FBLN1: variants seen among roughly 807,000 people sequenced by gnomAD.
The protein encoded by FBLN1 is fibulin-1.
Under a neutral mutation model 89.7 loss-of-function variants are expected in FBLN1, and 34 were observed. That is an observed-to-expected ratio of 0.38 (90% CI 0.29 to 0.50). FBLN1 has a LOEUF of 0.50. Ranked by LOEUF, FBLN1 falls within the 20% of genes least tolerant of loss-of-function variation. The pLI is 0.92. For missense variants in FBLN1, 777 were observed against 988.1 expected, an observed-to-expected ratio of 0.79 and a Z score of 2.86; for synonymous variants, 393 against 391.3, an observed-to-expected ratio of 1.00 and a Z score of -0.05.
chr22:45,564,223 C>T (rs2088881345), intron 14 of FBLN1, among the ~76,000 whole-genome samples: 1 of 152,184 alleles, frequency 6.6e-6, no homozygotes, highest in Non-Finnish European at 1.5e-5. Flanking sequence ...CCACCATGGT[C>T]CAGCCAAGCC....
At chr22:45,552,874 G>C (rs985548412) in intron 14 of FBLN1, among the ~76,000 whole-genome samples, 8 of 22,266 alleles carry the variant, frequency 3.6e-4, no homozygotes, top group Admixed American at 1.9e-3. Context: ...GTGCAAAGCT[G>C]TCCCACAGCC....
At chr22:45,523,281 A>G (rs775085374) in intron 2 of FBLN1, 92 of 633,474 alleles carry the variant, frequency 1.5e-4, no homozygotes, top group Non-Finnish European at 2.2e-4. Flanking sequence ...CACCAGATAC[A>G]AGGGTAACCA....
At chr22:45,595,081 A>C (rs2089173323) in intron 16 of FBLN1, among the ~76,000 whole-genome samples, 1 of 152,178 alleles carries the variant, frequency 6.6e-6, no homozygotes, top group African/African-American at 2.4e-5. Context: ...AGGTGAGGGC[A>C]AGGAGGTGGA....
intron 1 of FBLN1, among the ~76,000 whole-genome samples, chr22:45,516,714 C>T (rs532056088): frequency 7.2e-5 from 11 of 152,354 alleles, no homozygotes; most frequent in African/African-American, 2.6e-4. Flanking sequence ...CACGAAACTT[C>T]ACCCTTACCC....
At position 45,533,896 on chromosome 22, in the gene FBLN1, A is replaced by G. The variant is rs952609235; in HGVS notation, c.782A>G (p.Lys261Arg). 1.2e-6 allele frequency: 2 copies of G among 1,614,014 alleles called. No individual in the cohort carries two copies. Among genetic ancestry groups the G allele is most frequent in the Non-Finnish European group, 1.7e-6 (2 of 1,179,992 alleles). Residue 261 changes from lysine to arginine, a missense_variant and splice_region_variant, in exon 7 of 17, where the codon AAA becomes AGA. Lys to Arg is a conservative substitution (Grantham distance 26, BLOSUM62 2). Coordinates refer to ENST00000327858, the MANE Select transcript of FBLN1 (RefSeq NM_006486.3). Reference sequence around the variant, plus strand: ...GAGCTCACAGAGGACAATAGCTGCAAAGGTACAGCATGCGCTCCGAGTCTG... The same window carrying G: ...GAGCTCACAGAGGACAATAGCTGCAGAGGTACAGCATGCGCTCCGAGTCTG... Reference protein sequence around the residue: ...GYELTEDNSCKDIDECESGIH... With the variant: ...GYELTEDNSCRDIDECESGIH...
chr22:45,597,491 A>G lies in FBLN1; in HGVS notation c.1973-2816A>G, dbSNP rs574417505. ...GGTCACTGTGGCTAGCGGGGGCACC[A>G]TTGTTGGCCTCGGGCCTGGGGAGAG... is the stretch of plus-strand genomic sequence containing the variant. On this transcript the variant is annotated intron_variant, in intron 16 of 16. Coordinates refer to ENST00000327858, the MANE Select transcript of FBLN1 (RefSeq NM_006486.3). The surrounding 1 kb of genome is among the most constrained non-coding windows in gnomAD (Gnocchi z 4.2). Among the ~76,000 whole-genome samples, 40 of 152,222 alleles carry G rather than the reference A, an allele frequency of 2.6e-4. No homozygotes were observed. Among genetic ancestry groups the G allele is most frequent in the African/African-American group, 7.5e-4 (31 of 41,532 alleles).
intron 1 of FBLN1, among the ~76,000 whole-genome samples, chr22:45,509,399 T>A (rs2088068324): frequency 1.3e-5 from 2 of 152,128 alleles, no homozygotes; most frequent in South Asian, 4.1e-4. Context: ...AAGACCCCTG[T>A]CATCTCCATG....
chr22:45,510,794 G>T (rs116782995), intron 1 of FBLN1, among the ~76,000 whole-genome samples: 15 of 93,182 alleles, frequency 1.6e-4, no homozygotes, highest in African/African-American at 6.3e-4. Context: ...CATGGGGCAT[G>T]CCGCTGATCT....
At chr22:45,528,038 G>T (rs776177888) in intron 4 of FBLN1, 29 bp downstream of exon 4, 14 of 1,611,598 alleles carry the variant, frequency 8.7e-6, no homozygotes, top group Non-Finnish European at 1.1e-5. Flanking sequence ...TCCCTAATGA[G>T]CAGTGTATTA....
At chr22:45,596,611 A>G (rs1217566316) in intron 16 of FBLN1, among the ~76,000 whole-genome samples, 3 of 148,594 alleles carry the variant, frequency 2.0e-5, no homozygotes, top group African/African-American at 7.4e-5. Context: ...ATTACTATAT[A>G]CATATATCAA....
intron 12 of FBLN1, among the ~76,000 whole-genome samples, chr22:45,547,593 C>T (rs2146990412): frequency 6.6e-6 from 1 of 151,482 alleles, no homozygotes; most frequent in Middle Eastern, 3.4e-3. Context: ...AGAGACGGGG[C>T]CTTGCTGTGT....
rs1420470671 is a variant in FBLN1, at chr22:45,578,393, G to A, written c.1972+1285G>A. ...ACCCCAGCCTCCTCCTGCGCTAGCT[G>A]GCAGCAGGAATAATTAGTTAATTAC... is the stretch of plus-strand genomic sequence containing the variant. On this transcript the variant is annotated intron_variant, in intron 16 of 16. Coordinates refer to ENST00000327858, the MANE Select transcript of FBLN1 (RefSeq NM_006486.3). The surrounding 1 kb of genome is among the most constrained non-coding windows in gnomAD (Gnocchi z 4.6). 6.6e-6 allele frequency: 1 copy of A among 152,210 alleles called. No homozygotes were observed. Among genetic ancestry groups the A allele is most frequent in the Non-Finnish European group, 1.5e-5 (1 of 68,042 alleles). The allele number at this position is 152,210 out of a possible 1,614,324, so 9.4% of individuals were successfully genotyped here.
rs1478568563 is a variant in FBLN1, at chr22:45,537,621, A to G, written c.922+2284A>G. On this transcript the variant is annotated intron_variant, in intron 8 of 16. Coordinates refer to ENST00000327858, the MANE Select transcript of FBLN1 (RefSeq NM_006486.3). The surrounding 1 kb of genome is among the most constrained non-coding windows in gnomAD (Gnocchi z 5.7). ...GACAACAGAGCAAGACTCTGTGTCAAAAAAAAAAAAAAAGATAAAAAGACA... is the reference window on the plus strand; with the variant it reads ...GACAACAGAGCAAGACTCTGTGTCAGAAAAAAAAAAAAAGATAAAAAGACA... Among the ~76,000 whole-genome samples, 3 of 60,360 alleles carry G rather than the reference A, an allele frequency of 5.0e-5. No homozygotes were observed. Among genetic ancestry groups the G allele is most frequent in the African/African-American group, 9.3e-5 (2 of 21,434 alleles). 39.6% of individuals were successfully genotyped at this position (60,360 alleles called of 152,430 possible).
Position 45,574,455 on chromosome 22 carries a change from G to A in FBLN1, c.1698-56G>A, listed in dbSNP as rs1425301323. 7 of 1,609,898 alleles carry A rather than the reference G, an allele frequency of 4.3e-6. No individual in the cohort carries two copies. The highest frequency in any genetic ancestry group is 4.0e-5 in the African/African-American group (3 of 74,816). ...TCCTCCTCCCTAGACCTCGGCCCCT[G>A]TGGGAGCTGCTGTCCCAGCTTCCCC... On this transcript the variant is annotated intron_variant, in intron 14 of 16. Transcript: ENST00000327858. The surrounding 1 kb of genome is among the most constrained non-coding windows in gnomAD (Gnocchi z 4.1).
intron 10 of FBLN1, 139 bp downstream of exon 10, chr22:45,542,422 T>A: frequency 8.0e-7 from 1 of 1,247,186 alleles, no homozygotes; most frequent in Non-Finnish European, 1.1e-6. Flanking sequence ...GAGAAGATCC[T>A]GAGTCAGGAG....
In FBLN1 at chr22:45,600,604, A is replaced by G; in HGVS notation, c.*158A>G. The G allele has an allele frequency of 1.2e-6, 1 of 842,298 alleles. No homozygotes were observed. Among genetic ancestry groups the G allele is most frequent in the South Asian group, 1.4e-5 (1 of 72,500 alleles). The allele number at this position is 842,298 out of a possible 1,614,324, so 52.2% of individuals were successfully genotyped here. ...TAAGCTGAGCCAGATGAATAAGTCCATCTGATGTATTTTCGGTGTTTAAAA... is the reference window on the plus strand; with the variant it reads ...TAAGCTGAGCCAGATGAATAAGTCCGTCTGATGTATTTTCGGTGTTTAAAA... On this transcript the variant is annotated 3_prime_UTR_variant, in exon 17 of 17. Coordinates refer to ENST00000327858, the MANE Select transcript of FBLN1 (RefSeq NM_006486.3).
At chr22:45,568,047 G>C (rs900985040) in intron 14 of FBLN1, among the ~76,000 whole-genome samples, 4 of 152,194 alleles carry the variant, frequency 2.6e-5, no homozygotes, top group Admixed American at 2.6e-4. Context: ...ACGAGGGAGA[G>C]ACTGCTGGAA....
chr22:45,554,079 C>T (rs562264022), intron 14 of FBLN1, among the ~76,000 whole-genome samples: 9 of 152,344 alleles, frequency 5.9e-5, no homozygotes, highest in South Asian at 4.1e-4. Flanking sequence ...TTGCCCCTTA[C>T]GACACACCAC....
At chr22:45,585,347 C>T (rs2089075416) in intron 16 of FBLN1, among the ~76,000 whole-genome samples, 1 of 152,240 alleles carries the variant, frequency 6.6e-6, no homozygotes, top group African/African-American at 2.4e-5. Flanking sequence ...ATTGTCCCAG[C>T]CAGCAGGGCC....
Sources: allele counts gnomAD v4.1 joint callset (sites outside exome capture counted in the v4.1 genomes callset), GRCh38; gene constraint gnomAD v4.1.1; non-coding constraint Gnocchi (gnomAD v3.1); transcripts MANE v1.5; gene names NCBI Gene and HGNC (gene_info 2026-07-23, HGNC 2026-07-21).